The following SCLT1 variants were observed in gnomAD, a reference collection of about 807,000 sequenced individuals.
The protein encoded by SCLT1 is sodium channel-associated protein 1.
SCLT1 carries 78 observed loss-of-function variants against 112.8 expected under a neutral mutation model. The ratio of observed to expected loss-of-function variants is 0.69; its 90% CI spans 0.58 to 0.83. SCLT1 has a LOEUF of 0.83. Among genes scored for constraint, SCLT1 ranks in the 40% least tolerant of loss-of-function variants. The pLI is 0.00. For missense variants in SCLT1, 747 were observed against 770.4 expected, an observed-to-expected ratio of 0.97 and a Z score of 0.36; for synonymous variants, 257 against 254.7, an observed-to-expected ratio of 1.01 and a Z score of -0.09.
chr4:128,978,236 C>T (rs1262882437), intron 9 of SCLT1, among the ~76,000 whole-genome samples: 1 of 151,960 alleles, frequency 6.6e-6, no homozygotes, highest in Non-Finnish European at 1.5e-5. Context: ...ACTGACCTAG[C>T]AATTCAATTA....
chr4:129,005,578 C>G (rs888864813), intron 5 of SCLT1, among the ~76,000 whole-genome samples: 1 of 152,132 alleles, frequency 6.6e-6, no homozygotes. Flanking sequence ...GGACTGTAAA[C>G]TAGTTCAACT....
intron 18 of SCLT1, among the ~76,000 whole-genome samples, chr4:128,895,240 T>C (rs1169926956): frequency 6.6e-6 from 1 of 152,186 alleles, no homozygotes; most frequent in Non-Finnish European, 1.5e-5. Context: ...CATGTATCTC[T>C]AGCATATTTC....
chr4:129,039,310 G>C, intron 4 of SCLT1: 1 of 417,390 alleles, frequency 2.4e-6, no homozygotes, highest in Non-Finnish European at 4.3e-6. Flanking sequence ...AAATAAAATA[G>C]AAATATTTTA....
intron 5 of SCLT1, among the ~76,000 whole-genome samples, chr4:129,004,372 T>C (rs1001858917): frequency 1.3e-5 from 2 of 152,078 alleles, no homozygotes; most frequent in African/African-American, 2.4e-5. Flanking sequence ...TCGCTGGCTA[T>C]AAAACCAAGA....
chr4:129,008,111 T>C (rs544220700), intron 5 of SCLT1, among the ~76,000 whole-genome samples: 1 of 152,320 alleles, frequency 6.6e-6, no homozygotes, highest in South Asian at 2.1e-4. Flanking sequence ...TTATTATTTT[T>C]AAAAGTTTAT....
At chr4:129,009,449 G>A (rs1471460777) in intron 5 of SCLT1, among the ~76,000 whole-genome samples, 6 of 151,742 alleles carry the variant, frequency 4.0e-5, no homozygotes, top group Non-Finnish European at 8.8e-5. Flanking sequence ...AGGAGGCGGA[G>A]CTTGCAGTGA....
chr4:128,964,866 T>C (rs892718926), intron 11 of SCLT1, among the ~76,000 whole-genome samples: 6 of 152,312 alleles, frequency 3.9e-5, no homozygotes, highest in African/African-American at 1.4e-4. Flanking sequence ...AAAATAAAGG[T>C]GTGCTTTGTG....
intron 1 of SCLT1, among the ~76,000 whole-genome samples, chr4:129,083,534 A>C (rs185273017): frequency 8.4e-4 from 128 of 152,102 alleles, no homozygotes; most frequent in Admixed American, 3.2e-3. Flanking sequence ...GCTCATGCCT[A>C]TAATCTCACT....
intron 5 of SCLT1, among the ~76,000 whole-genome samples, chr4:129,035,533 T>C (rs182469282): frequency 9.9e-5 from 15 of 151,872 alleles, no homozygotes; most frequent in Admixed American, 3.9e-4. Flanking sequence ...TATGTGACTA[T>C]GTATGAAGGA....
intron 4 of SCLT1, chr4:128,875,004 GAAAAA>G (rs3069727): frequency 7.6e-6 from 1 of 132,112 alleles, no homozygotes; most frequent in Non-Finnish European, 1.7e-5. Context: ...AGCTAAAATT[GAAAAA>G]AAAAAAAAGG....
At chr4:128,903,988 A>G (rs1255830944) in intron 18 of SCLT1, among the ~76,000 whole-genome samples, 1 of 152,164 alleles carries the variant, frequency 6.6e-6, no homozygotes, top group African/African-American at 2.4e-5. Context: ...AGACTATATA[A>G]TCTCTTCCCT....
At chr4:128,985,203 AT>A (rs1163024209) in intron 9 of SCLT1, among the ~76,000 whole-genome samples, 1 of 152,170 alleles carries the variant, frequency 6.6e-6, no homozygotes, top group Non-Finnish European at 1.5e-5. Context: ...AAGTAAGGAT[AT>A]ATCATTTCTG....
chr4:128,960,613 C>T (rs1343637956), intron 11 of SCLT1, among the ~76,000 whole-genome samples: 1 of 152,086 alleles, frequency 6.6e-6, no homozygotes, highest in Non-Finnish European at 1.5e-5. Flanking sequence ...TTACTTTGCT[C>T]TTCCCTTTAT....
At chr4:129,032,180 CA>C (rs1746784083) in intron 5 of SCLT1, among the ~76,000 whole-genome samples, 1 of 151,990 alleles carries the variant, frequency 6.6e-6, no homozygotes, top group Non-Finnish European at 1.5e-5. Flanking sequence ...TCAGAAATAA[CA>C]CCACACATCT....
At chr4:128,874,237 CTTTTGA>C (rs1732408112) in intron 5 of SCLT1, 1 of 152,490 alleles carries the variant, frequency 6.6e-6, no homozygotes, top group Non-Finnish European at 1.5e-5. Context: ...CTACAGTTAT[CTTTTGA>C]TTACAGCAAC....
chr4:129,057,941 G>A (rs1316556551), intron 2 of SCLT1, among the ~76,000 whole-genome samples: 3 of 151,798 alleles, frequency 2.0e-5, no homozygotes, highest in East Asian at 3.9e-4. Flanking sequence ...TAGTAAAGAC[G>A]GGGTTTCACC....
chr4:128,992,803 G>C (rs1742687656), intron 8 of SCLT1, among the ~76,000 whole-genome samples: 1 of 152,002 alleles, frequency 6.6e-6, no homozygotes, highest in Admixed American at 6.6e-5. Flanking sequence ...ACACGTTTTG[G>C]AACTTTTTCC....
chr4:128,964,001 A>C lies in SCLT1; in HGVS notation c.869+1226T>G, dbSNP rs17350318. ...AGCATCTGGTTAAAAATTACTTCTCAGCTTTAGAAAAAGACAAATATATAT... is the reference window on the plus strand; with the variant it reads ...AGCATCTGGTTAAAAATTACTTCTCCGCTTTAGAAAAAGACAAATATATAT... On this transcript the variant is annotated intron_variant, in intron 11 of 20. Transcript: ENST00000281142. 2.7e-3 allele frequency among the ~76,000 whole-genome samples: 407 copies of C among 152,332 alleles called. 2 individuals are homozygous for C. Among genetic ancestry groups the C allele is most frequent in the Non-Finnish European group, 4.6e-3 (311 of 68,024 alleles).
intron 16 of SCLT1, among the ~76,000 whole-genome samples, chr4:128,944,035 T>C (rs191730026): frequency 6.6e-6 from 1 of 152,246 alleles, no homozygotes; most frequent in African/African-American, 2.4e-5. Context: ...ACTCCTTCTG[T>C]CCTATTTTGG....
Sources: allele counts gnomAD v4.1 joint callset (sites outside exome capture counted in the v4.1 genomes callset), GRCh38; gene constraint gnomAD v4.1.1; transcripts MANE v1.5; gene names NCBI Gene and HGNC (gene_info 2026-07-23, HGNC 2026-07-21).